MAPK8: variants seen among roughly 807,000 people sequenced by gnomAD.
MAPK8 encodes mitogen-activated protein kinase 8, also known as JUN N-terminal kinase.
In MAPK8, 13 loss-of-function variants were observed where a neutral mutation model predicts 52.9. The ratio of observed to expected loss-of-function variants is 0.25; its 90% CI spans 0.16 to 0.39. The LOEUF (loss-of-function observed/expected upper bound fraction) is 0.39, where lower values mean the gene tolerates loss of function less well. Ranked by LOEUF, MAPK8 falls within the 10% of genes least tolerant of loss-of-function variation. The pLI is 1.00. For missense variants in MAPK8, 300 were observed against 519.2 expected (o/e 0.58, Z 4.10); for synonymous variants, 191 against 169.8 (o/e 1.12, Z -0.97).
chr10:48,424,472 A>G, intron 7 of MAPK8: 1 of 1,296,094 alleles, frequency 7.7e-7, no homozygotes, highest in Non-Finnish European at 1.1e-6. Flanking sequence ...TTTTTATTTT[A>G]ACCAAAATCT....
intron 1 of MAPK8, among the ~76,000 whole-genome samples, chr10:48,383,313 G>C (rs906323194): frequency 2.6e-5 from 4 of 152,108 alleles, no homozygotes; most frequent in Non-Finnish European, 5.9e-5. Flanking sequence ...TTGCTTGACT[G>C]TACTCTCTAG....
At chr10:48,333,890 C>T (rs1406999844) in intron 1 of MAPK8, among the ~76,000 whole-genome samples, 1 of 150,530 alleles carries the variant, frequency 6.6e-6, no homozygotes, top group Admixed American at 6.6e-5. Flanking sequence ...CTGCAAGTCA[C>T]AGCTCCCAAA....
intron 1 of MAPK8, among the ~76,000 whole-genome samples, chr10:48,313,160 C>T (rs760333048): frequency 3.9e-5 from 6 of 152,150 alleles, no homozygotes; most frequent in Non-Finnish European, 8.8e-5. Context: ...AGGCCAGGCG[C>T]GGTGGCTCAC....
intron 1 of MAPK8, among the ~76,000 whole-genome samples, chr10:48,365,829 C>T (rs1164041939): frequency 6.6e-6 from 1 of 152,130 alleles, no homozygotes; most frequent in Non-Finnish European, 1.5e-5. Context: ...GTGTTACAGT[C>T]ATGGCATGAC....
In MAPK8 at chr10:48,401,780, A is replaced by G; in HGVS notation, c.120A>G (p.Val40=). ...TAGGCTCAGGAGCTCAAGGAATAGT[A>G]TGGTAAGTGTTTACTTCCAAAAATT... The part of the protein sequence containing the change: ...KPIGSGAQGI[V]CAAYDAILER... Residue 40 remains valine (V), a splice_region_variant and synonymous_variant, in exon 2 of 12, where the codon GTA becomes GTG. Coordinates refer to ENST00000374189, the MANE Select transcript of MAPK8 (RefSeq NM_001323329.2). The G allele has an allele frequency of 6.8e-7, 1 of 1,464,194 alleles. No individual in the cohort carries two copies. Among genetic ancestry groups the G allele is most frequent in the Non-Finnish European group, 9.0e-7 (1 of 1,108,366 alleles). The allele number at this position is 1,464,194 out of a possible 1,614,324, so 90.7% of individuals were successfully genotyped here.
chr10:48,339,875 G>C (rs1845078810), intron 1 of MAPK8, among the ~76,000 whole-genome samples: 1 of 152,202 alleles, frequency 6.6e-6, no homozygotes, highest in Non-Finnish European at 1.5e-5. Flanking sequence ...CAGTTAGATG[G>C]CTGTTATTAA....
At chr10:48,352,598 T>C (rs149557163) in intron 1 of MAPK8, among the ~76,000 whole-genome samples, 115 of 152,252 alleles carry the variant, frequency 7.6e-4, no homozygotes, top group Middle Eastern at 6.8e-3. Flanking sequence ...CTTAGAAAAC[T>C]AGGAATAGAA....
chr10:48,361,700 C>G (rs1462502337), intron 1 of MAPK8, among the ~76,000 whole-genome samples: 2 of 152,140 alleles, frequency 1.3e-5, no homozygotes. Flanking sequence ...TTGTGCATTT[C>G]TTCTTCCATC....
At chr10:48,371,961 C>T (rs1564543384) in intron 1 of MAPK8, among the ~76,000 whole-genome samples, 1 of 151,982 alleles carries the variant, frequency 6.6e-6, no homozygotes, top group Non-Finnish European at 1.5e-5. Flanking sequence ...TAACACAAGG[C>T]GTGGAGAAGG....
intron 1 of MAPK8, among the ~76,000 whole-genome samples, chr10:48,370,188 G>A (rs1330206921): frequency 6.6e-6 from 1 of 152,152 alleles, no homozygotes; most frequent in Non-Finnish European, 1.5e-5. Context: ...AATGGAAGAA[G>A]AGGTATTCCC....
intron 1 of MAPK8, among the ~76,000 whole-genome samples, chr10:48,364,602 C>CT (rs2132561056): frequency 6.6e-6 from 1 of 152,246 alleles, no homozygotes; most frequent in East Asian, 1.9e-4. Flanking sequence ...ACAAATATCT[C>CT]TATTTACAGA....
intron 1 of MAPK8, among the ~76,000 whole-genome samples, chr10:48,311,506 A>C (rs1398174655): frequency 6.6e-6 from 1 of 152,208 alleles, no homozygotes; most frequent in African/African-American, 2.4e-5. Flanking sequence ...AAATTGCCTA[A>C]GCTTTCCTAG....
chr10:48,387,228 G>T (rs1373282256), intron 1 of MAPK8, among the ~76,000 whole-genome samples: 1 of 152,160 alleles, frequency 6.6e-6, no homozygotes. Flanking sequence ...CTGCTAGAAA[G>T]AACAGTTAAG....
chr10:48,429,781 ATTTGTTT>A (rs2044034402), intron 10 of MAPK8: 1 of 152,240 alleles, frequency 6.6e-6, no homozygotes, highest in African/African-American at 2.4e-5. Context: ...CAACATATTC[ATTTGTTT>A]TACCTTATTA....
Position 48,308,828 on chromosome 10 carries a change from G to C in MAPK8, c.-50+2007G>C, listed in dbSNP as rs1196145728. On this transcript the variant is annotated intron_variant, in intron 1 of 11. Transcript: ENST00000374189. ...AGTTCTAACTTGTATTAACACAATT[G>C]GTACAAAATATGAGCCTAAAACTCA... Among the ~76,000 whole-genome samples, 3 of 152,092 alleles carry C rather than the reference G, an allele frequency of 2.0e-5. No homozygotes were observed. The East Asian group carries it at 5.8e-4, about 29-fold the overall frequency.
chr10:48,329,180 G>C (rs996008850), intron 1 of MAPK8, among the ~76,000 whole-genome samples: 19 of 152,334 alleles, frequency 1.2e-4, no homozygotes, highest in African/African-American at 4.1e-4. Flanking sequence ...TCTGAATCCA[G>C]ACAGTTGGCT....
At chr10:48,347,268 A>G (rs117963175) in intron 1 of MAPK8, among the ~76,000 whole-genome samples, 2,633 of 152,266 alleles carry the variant, frequency 0.017, 30 homozygotes, top group South Asian at 0.029. Flanking sequence ...ACCTAATGTA[A>G]TAACCCAAAT....
chr10:48,346,508 G>A (rs1320327103), intron 1 of MAPK8, among the ~76,000 whole-genome samples: 1 of 152,254 alleles, frequency 6.6e-6, no homozygotes, highest in Non-Finnish European at 1.5e-5. Context: ...GTAGCAAAAG[G>A]TGTCAAGGAA....
intron 1 of MAPK8, among the ~76,000 whole-genome samples, chr10:48,394,244 A>G (rs1442323015): frequency 1.3e-5 from 2 of 151,958 alleles, no homozygotes; most frequent in East Asian, 3.8e-4. Context: ...CTTTCTGAAA[A>G]TAAGAGGGAA....
Sources: allele counts gnomAD v4.1 joint callset (sites outside exome capture counted in the v4.1 genomes callset), GRCh38; gene constraint gnomAD v4.1.1; transcripts MANE v1.5; gene names NCBI Gene and HGNC (gene_info 2026-07-23, HGNC 2026-07-21).